The following CCDC144A variants were observed in gnomAD, a reference collection of about 807,000 sequenced individuals.
CCDC144A encodes the protein coiled-coil domain-containing protein 144A.
In CCDC144A, 41 loss-of-function variants were observed where a neutral mutation model predicts 143.8. The ratio of observed to expected loss-of-function variants is 0.29; its 90% CI spans 0.22 to 0.37. The LOEUF (loss-of-function observed/expected upper bound fraction) is 0.37. Among genes scored for constraint, CCDC144A ranks in the 10% least tolerant of loss-of-function variants. The pLI is 1.00. For missense variants in CCDC144A, 637 were observed against 1,488.8 expected (o/e 0.43, Z 9.41); for synonymous variants, 242 against 517.9 (o/e 0.47, Z 7.23).
intron 2 of CCDC144A, among the ~76,000 whole-genome samples, chr17:16,700,331 C>T (rs979926819): frequency 1.3e-5 from 2 of 152,108 alleles, no homozygotes; most frequent in Admixed American, 6.6e-5. Flanking sequence ...AGGCTCAGCA[C>T]CCATGTTTTC....
In CCDC144A at chr17:16,764,024, G is replaced by A; in HGVS notation, c.3947G>A (p.Arg1316Lys). The A allele has an allele frequency of 6.2e-7, 1 of 1,613,682 alleles. No homozygotes were observed. The highest frequency in any genetic ancestry group is 1.3e-5 in the African/African-American group (1 of 75,056). ...TQLTVEKEQTRSRSLFTAYAT... is the reference protein window; with the variant it reads ...TQLTVEKEQTKSRSLFTAYAT... ...CTTACTGTGGAGAAAGAGCAGACCA[G>A]ATCCAGATCTCTATTCACTGCTTAT... The change falls in exon 15 of 17, where the codon AGA becomes AAA. Residue 1316 changes from arginine (R) to lysine (K), a missense_variant. Coordinates refer to ENST00000399273, the MANE Select transcript of CCDC144A (RefSeq NM_001382000.1).
At chr17:16,686,309 A>G (rs1197697305), upstream of CCDC144A, among the ~76,000 whole-genome samples, 1 of 151,746 alleles carries the variant, frequency 6.6e-6, no homozygotes, top group African/African-American at 2.4e-5. Context: ...CCCCTCTCCA[A>G]TGGGAGCCCA....
the CCDC144A span, among the ~76,000 whole-genome samples, chr17:16,676,382 G>A: frequency 6.6e-6 from 1 of 151,660 alleles, no homozygotes; most frequent in Non-Finnish European, 1.5e-5. Context: ...GTGGTGGCAG[G>A]CGCCTGTAGT....
chr17:16,760,040 G>A (rs1227449919), intron 12 of CCDC144A, among the ~76,000 whole-genome samples: 4 of 152,190 alleles, frequency 2.6e-5, no homozygotes, highest in Non-Finnish European at 5.9e-5. Context: ...AAGTCAGCTC[G>A]AACACCTACC....
chr17:16,675,062 A>G, the CCDC144A span, among the ~76,000 whole-genome samples: 1 of 152,064 alleles, frequency 6.6e-6, no homozygotes. Context: ...TGAGGCCAGA[A>G]GCTCGAGACC....
the CCDC144A span, among the ~76,000 whole-genome samples, chr17:16,671,055 C>T: frequency 1.3e-5 from 2 of 151,676 alleles, no homozygotes; most frequent in African/African-American, 2.4e-5. Context: ...GGCACGATCT[C>T]AGCTCATTGC....
intron 1 of CCDC144A, among the ~76,000 whole-genome samples, 157 bp from the exon 2 acceptor site, chr17:16,692,822 A>T (rs1911167980): frequency 6.6e-6 from 1 of 151,792 alleles, no homozygotes; most frequent in African/African-American, 2.4e-5. Flanking sequence ...AGAAGCTTAA[A>T]GAGAAGTTGG....
At chr17:16,763,243 G>A (rs1319976764) in intron 14 of CCDC144A, among the ~76,000 whole-genome samples, 2 of 151,934 alleles carry the variant, frequency 1.3e-5, no homozygotes. Context: ...GCAGTGTTAG[G>A]AGCTGATTGT....
the CCDC144A span, among the ~76,000 whole-genome samples, chr17:16,674,657 A>G: frequency 4.6e-5 from 7 of 152,208 alleles, no homozygotes; most frequent in Middle Eastern, 3.4e-3. Context: ...CAAGCTTTAC[A>G]GTAGCAAAGC....
intron 12 of CCDC144A, among the ~76,000 whole-genome samples, chr17:16,757,023 A>G (rs1159316237): frequency 6.6e-6 from 1 of 152,234 alleles, no homozygotes; most frequent in African/African-American, 2.4e-5. Flanking sequence ...ATACACAAGG[A>G]TGTATGTGTG....
At chr17:16,696,101 G>A (rs1279635705) in intron 2 of CCDC144A, among the ~76,000 whole-genome samples, 2 of 152,114 alleles carry the variant, frequency 1.3e-5, no homozygotes, top group Non-Finnish European at 2.9e-5. Flanking sequence ...TGCAACCTCC[G>A]CCTCCCGAGT....
In CCDC144A at chr17:16,774,957, T is replaced by C. The variant is rs1315281481; in HGVS notation, c.*1324T>C. On this transcript the variant is annotated 3_prime_UTR_variant, in exon 17 of 17. Coordinates refer to ENST00000399273, the MANE Select transcript of CCDC144A (RefSeq NM_001382000.1). ...CAGCTCCCACTTGTAAGTGAGAGCA[T>C]GCAGTATTTCATTTTCTATTTCTGC... is the stretch of plus-strand genomic sequence containing the variant. The C allele has an allele frequency of 6.6e-6, 1 of 150,634 alleles. No individual in the cohort carries two copies. The highest frequency in any genetic ancestry group is 1.5e-5 in the Non-Finnish European group (1 of 68,000). 9.3% of individuals were successfully genotyped at this position (150,634 alleles called of 1,614,324 possible).
rs192655851 is a variant in CCDC144A, at chr17:16,746,889, C to T, written c.3372+11246C>T. On this transcript the variant is annotated intron_variant, in intron 12 of 16. Coordinates refer to ENST00000399273, the MANE Select transcript of CCDC144A (RefSeq NM_001382000.1). The stretch of plus-strand genomic sequence containing the variant: ...TCTCCCTTCTCTCCCTTCTCTCCCT[C>T]CCCTCCCTCCCCTCCCTCCCCTCTA... The T allele has an allele frequency of 9.2e-4, 535 of 582,852 alleles. 3 individuals are homozygous for T. The African/African-American group carries it at 0.011, about 12-fold the overall frequency. The allele number at this position is 582,852 out of a possible 1,614,324, so 36.1% of individuals were successfully genotyped here.
At chr17:16,759,345 T>C (rs1404621956) in intron 12 of CCDC144A, among the ~76,000 whole-genome samples, 2 of 152,360 alleles carry the variant, frequency 1.3e-5, no homozygotes, top group South Asian at 4.1e-4. Context: ...ACATATCATG[T>C]CATTACTCAA....
the CCDC144A span, among the ~76,000 whole-genome samples, chr17:16,670,671 C>A: frequency 2.0e-5 from 3 of 151,474 alleles, no homozygotes; most frequent in Non-Finnish European, 4.4e-5. Flanking sequence ...CCAAGCCTGG[C>A]TAATTTTTAT....
the CCDC144A span, among the ~76,000 whole-genome samples, chr17:16,668,694 T>G: frequency 1.3e-5 from 2 of 152,258 alleles, no homozygotes; most frequent in African/African-American, 4.8e-5. Flanking sequence ...TTATATAGTA[T>G]TTACATGCTG....
At chr17:16,720,017 T>C (rs973173396) in intron 6 of CCDC144A, among the ~76,000 whole-genome samples, 181 bp from the exon 7 acceptor site, 2 of 152,208 alleles carry the variant, frequency 1.3e-5, no homozygotes. Flanking sequence ...CTGTTTATAG[T>C]TTAATGTCCA....
At chr17:16,743,500 A>G (rs1280652140) in intron 12 of CCDC144A, among the ~76,000 whole-genome samples, 1 of 151,866 alleles carries the variant, frequency 6.6e-6, no homozygotes, top group Non-Finnish European at 1.5e-5. Flanking sequence ...ACCTTGTAAT[A>G]TATTTTGAAG....
chr17:16,722,341 T>G (rs572395478), intron 8 of CCDC144A, among the ~76,000 whole-genome samples: 3 of 152,134 alleles, frequency 2.0e-5, no homozygotes, highest in Admixed American at 2.0e-4. Flanking sequence ...AAAGCTTTAT[T>G]TAGAGCGTTT....
Sources: gnomAD v4.1 joint callset for allele counts (sites outside exome capture counted in the v4.1 genomes callset) on GRCh38, gnomAD v4.1.1 for gene constraint, MANE v1.5 for transcripts, NCBI Gene and HGNC (gene_info 2026-07-23, HGNC 2026-07-21) for gene names.